The following ATP8B4 variants were observed in gnomAD, a reference collection of about 807,000 sequenced individuals.
ATP8B4 encodes ATPase phospholipid transporting 8B4 (putative).
Under a neutral mutation model 145.6 loss-of-function variants are expected in ATP8B4, and 133 were observed. The observed-to-expected ratio is 0.91, with a 90% CI of 0.79 to 1.05. The LOEUF (loss-of-function observed/expected upper bound fraction) is 1.05, where lower values mean the gene tolerates loss of function less well. Ranked by LOEUF, ATP8B4 falls within the 50% of genes least tolerant of loss-of-function variation. The probability of loss-of-function intolerance (pLI) is 0.00; values close to 1 mark genes in which losing one functional copy is unlikely to be tolerated. For synonymous variants in ATP8B4, 507 were observed against 492.9 expected, an observed-to-expected ratio of 1.03 and a Z score of -0.38; for missense variants, 1,458 against 1,425.2, an observed-to-expected ratio of 1.02 and a Z score of -0.37.
intron 2 of ATP8B4, among the ~76,000 whole-genome samples, chr15:50,097,532 A>G (rs2056067264): frequency 6.6e-6 from 1 of 152,232 alleles, no homozygotes; most frequent in South Asian, 2.1e-4. Flanking sequence ...CCTGAGAAGC[A>G]GGTATATAAA....
upstream of ATP8B4, among the ~76,000 whole-genome samples, chr15:50,122,122 T>A (rs1391312895): frequency 6.6e-6 from 1 of 152,174 alleles, no homozygotes; most frequent in Non-Finnish European, 1.5e-5. Flanking sequence ...CTTGCCTAAC[T>A]GCCAAGATAG....
intron 6 of ATP8B4, 148 bp downstream of exon 6, chr15:50,038,620 A>G: frequency 1.6e-6 from 1 of 632,160 alleles, no homozygotes; most frequent in South Asian, 2.2e-5. Flanking sequence ...GAGAGCCATG[A>G]AGATAAAATG....
chr15:50,113,356 C>T (rs2057041413), intron 1 of ATP8B4: 1 of 152,244 alleles, frequency 6.6e-6, no homozygotes, highest in African/African-American at 2.4e-5. Flanking sequence ...GGCTTCTGTC[C>T]TGCATGTGTG....
chr15:50,026,120 C>T (rs928633281), intron 6 of ATP8B4, among the ~76,000 whole-genome samples: 3 of 152,232 alleles, frequency 2.0e-5, no homozygotes, highest in Non-Finnish European at 4.4e-5. Context: ...CCTTGTTCCA[C>T]TGTCATCTCT....
At chr15:50,013,072 C>T (rs1012032643) in intron 6 of ATP8B4, among the ~76,000 whole-genome samples, 2 of 152,138 alleles carry the variant, frequency 1.3e-5, no homozygotes, top group African/African-American at 4.8e-5. Context: ...GTCCTACCTA[C>T]AACCACCACC....
intron 1 of ATP8B4, among the ~76,000 whole-genome samples, chr15:50,181,125 T>G (rs1324237857): frequency 6.6e-6 from 1 of 152,166 alleles, no homozygotes; most frequent in Non-Finnish European, 1.5e-5. Flanking sequence ...ATAAAATAAC[T>G]CAGGCTCCCA....
chr15:49,979,081 G>C (rs1263783016), intron 12 of ATP8B4, among the ~76,000 whole-genome samples: 1 of 152,050 alleles, frequency 6.6e-6, no homozygotes, highest in Non-Finnish European at 1.5e-5. Flanking sequence ...GGAATTCTTA[G>C]AGCTTTATAG....
At chr15:50,103,568 C>G (rs1369936159) in intron 2 of ATP8B4, among the ~76,000 whole-genome samples, 2 of 152,092 alleles carry the variant, frequency 1.3e-5, no homozygotes, top group Non-Finnish European at 2.9e-5. Context: ...CTATAAAACA[C>G]TGCTGAAAGA....
intron 8 of ATP8B4, among the ~76,000 whole-genome samples, chr15:49,997,597 C>G (rs751272025): frequency 6.6e-6 from 1 of 151,996 alleles, no homozygotes; most frequent in Non-Finnish European, 1.5e-5. Flanking sequence ...AAGAGGATGA[C>G]AATCCTCTTG....
intron 6 of ATP8B4, among the ~76,000 whole-genome samples, chr15:50,027,616 T>C (rs2050110566): frequency 6.6e-6 from 1 of 152,200 alleles, no homozygotes; most frequent in Non-Finnish European, 1.5e-5. Context: ...ATTCCATTTC[T>C]CAATACTTAA....
chr15:49,956,313 T>C (rs568138961), intron 14 of ATP8B4, among the ~76,000 whole-genome samples: 98 of 152,310 alleles, frequency 6.4e-4, no homozygotes, highest in Admixed American at 2.6e-3. Flanking sequence ...CACAGAATCA[T>C]AGAAACTTAT....
intron 6 of ATP8B4, among the ~76,000 whole-genome samples, chr15:50,028,141 C>T (rs1323816464): frequency 6.6e-6 from 1 of 152,174 alleles, no homozygotes; most frequent in Admixed American, 6.5e-5. Context: ...AGTCTTCTTT[C>T]CATATGTTGC....
In ATP8B4 at chr15:49,877,845, A is replaced by G. The variant is rs563104424; in HGVS notation, c.2782-1322T>C. 3.9e-5 allele frequency among the ~76,000 whole-genome samples: 6 copies of G among 152,344 alleles called. No individual in the cohort carries two copies. In the East Asian group the frequency reaches 1.2e-3, roughly 29 times the overall value. ...GCTTCTATAAATAACAATTAATAAA[A>G]TAATGATAATAACAACAATAGCAAT... is the stretch of plus-strand genomic sequence containing the variant. On this transcript the variant is annotated intron_variant, in intron 24 of 27. Transcript: ENST00000284509.
intron 7 of ATP8B4, chr15:50,009,410 G>T (rs1297960734): frequency 5.7e-6 from 1 of 174,220 alleles, no homozygotes; most frequent in Non-Finnish European, 1.2e-5. Context: ...TGCAAGAATC[G>T]TATAGTCTAG....
intron 1 of ATP8B4, among the ~76,000 whole-genome samples, chr15:50,154,889 T>C (rs1484765216): frequency 1.3e-5 from 2 of 152,180 alleles, no homozygotes; most frequent in Non-Finnish European, 2.9e-5. Flanking sequence ...TTGGCCAGGC[T>C]GGACAGCAAT....
intron 1 of ATP8B4, among the ~76,000 whole-genome samples, chr15:50,125,332 C>T (rs1326784188): frequency 1.3e-5 from 2 of 152,320 alleles, no homozygotes; most frequent in Non-Finnish European, 2.9e-5. Context: ...ACGCTCTGCT[C>T]TTCATCTCTT....
At chr15:49,924,443 AAAGATCATTAC>A (rs1240834787) in intron 16 of ATP8B4, among the ~76,000 whole-genome samples, 1 of 152,192 alleles carries the variant, frequency 6.6e-6, no homozygotes, top group East Asian at 1.9e-4. Flanking sequence ...CAGTTCAGTC[AAAGATCATTAC>A]ATGCTTTCTA....
chr15:50,021,714 C>G (rs2049586575), intron 6 of ATP8B4, among the ~76,000 whole-genome samples: 1 of 152,178 alleles, frequency 6.6e-6, no homozygotes, highest in South Asian at 2.1e-4. Flanking sequence ...TATTTATTTA[C>G]ATTTTGTTTA....
At chr15:49,895,979 C>A (rs938514211) in intron 23 of ATP8B4, 1 of 152,160 alleles carries the variant, frequency 6.6e-6, no homozygotes, top group African/African-American at 2.4e-5. Flanking sequence ...CTTAGAAACA[C>A]CCGTTAGCAG....
Sources: allele counts gnomAD v4.1 joint callset (sites outside exome capture counted in the v4.1 genomes callset), GRCh38; gene constraint gnomAD v4.1.1; transcripts MANE v1.5; gene names NCBI Gene and HGNC (gene_info 2026-07-23, HGNC 2026-07-21).